RCN3: variants seen among roughly 807,000 people sequenced by gnomAD.
The protein encoded by RCN3 is reticulocalbin 3, also known as reticulocalbin-3.
A neutral mutation model predicts 35.9 loss-of-function variants in RCN3; 41 were observed. The ratio of observed to expected loss-of-function variants is 1.14; its 90% CI spans 0.89 to 1.48. RCN3 has a LOEUF of 1.48. RCN3 is among the 40% of genes most tolerant of loss of function. RCN3 has a pLI of 0.00. For missense variants in RCN3, 451 were observed against 471.3 expected (o/e 0.96, Z 0.40); for synonymous variants, 187 against 193.4 (o/e 0.97, Z 0.27).
chr19:49,534,074 C>A, intron 2 of RCN3, 119 bp from the exon 3 acceptor site: 4 of 1,054,530 alleles, frequency 3.8e-6, no homozygotes, highest in Non-Finnish European at 3.9e-6. Flanking sequence ...AGTTAGCCCG[C>A]GGACCGTGGA....
intron 5 of RCN3, among the ~76,000 whole-genome samples, chr19:49,540,808 T>C (rs1177642033): frequency 6.6e-6 from 1 of 151,554 alleles, no homozygotes; most frequent in Non-Finnish European, 1.5e-5. Flanking sequence ...TCTAGAGGGG[T>C]GAGGATGCTA....
chr19:49,538,558 C>G (rs11670916), intron 4 of RCN3, among the ~76,000 whole-genome samples: 1 of 151,884 alleles, frequency 6.6e-6, no homozygotes, highest in African/African-American at 2.4e-5. Flanking sequence ...TCGATCCTCC[C>G]GCCTCGGCCT....
intron 2 of RCN3, among the ~76,000 whole-genome samples, chr19:49,529,154 C>A (rs903247070): frequency 6.6e-6 from 1 of 151,968 alleles, no homozygotes; most frequent in African/African-American, 2.4e-5. Flanking sequence ...GCCCTCCAGT[C>A]AGGGCGACAA....
rs113692361 is a variant in RCN3 at position 49,528,465 on chromosome 19, A to G, written c.-6-2A>G. On this transcript the variant is annotated splice_acceptor_variant, in intron 1 of 6. Transcript: ENST00000270645. LOFTEE classifies it low-confidence loss of function (5UTR_SPLICE). ...TGACCCCTGGCCTTTGCCACTCCCCAGGGACCGATGATGTGGCGACCATCA... is the reference window on the plus strand; with the variant it reads ...TGACCCCTGGCCTTTGCCACTCCCCGGGGACCGATGATGTGGCGACCATCA... The G allele has an allele frequency of 6.7e-7, 1 of 1,496,338 alleles. No individual in the cohort carries two copies. The highest frequency in any genetic ancestry group is 1.4e-5 in the African/African-American group (1 of 70,082). The allele number at this position is 1,496,338 out of a possible 1,614,324, so 92.7% of individuals were successfully genotyped here.
At chr19:49,542,491 C>A in intron 5 of RCN3, 62 bp from the exon 6 acceptor site, 1 of 1,233,228 alleles carries the variant, frequency 8.1e-7, no homozygotes, top group Non-Finnish European at 1.1e-6. Context: ...CAGGATCAGC[C>A]CCCAGCTCCA....
In RCN3 at chr19:49,543,158, G is replaced by T; in HGVS notation, c.932G>T (p.Gly311Val). The change falls in exon 7 of 7, where the codon GGC (glycine) becomes GTC (valine). Residue 311 changes from glycine to valine, a missense_variant. By Grantham distance (109) the Gly-to-Val change is moderately radical. Transcript: ENST00000270645. ...EILGNWNMFVGSQATNYGEDL... is the reference protein window; with the variant it reads ...EILGNWNMFVVSQATNYGEDL... ...CTGGGTAATTGGAACATGTTTGTGG[G>T]CAGTCAGGCCACCAACTATGGCGAG... 1 of 1,614,064 alleles carries T rather than the reference G, an allele frequency of 6.2e-7. No individual in the cohort carries two copies. Among genetic ancestry groups the T allele is most frequent in the East Asian group, 2.2e-5 (1 of 44,862 alleles).
intron 5 of RCN3, 112 bp downstream of exon 5, chr19:49,539,291 G>T: frequency 1.3e-6 from 1 of 787,748 alleles, no homozygotes. Flanking sequence ...GTGGCCCTCA[G>T]ACATGGGGGC....
intron 3 of RCN3, among the ~76,000 whole-genome samples, chr19:49,535,029 C>T (rs997410457): frequency 4.6e-5 from 7 of 152,188 alleles, no homozygotes; most frequent in South Asian, 2.1e-4. Flanking sequence ...CCAGCCTCCC[C>T]GTCCAGTCTG....
chr19:49,533,427 C>T (rs2080118378), intron 2 of RCN3, among the ~76,000 whole-genome samples: 1 of 152,078 alleles, frequency 6.6e-6, no homozygotes, highest in South Asian at 2.1e-4. Flanking sequence ...GGCAAGGCGT[C>T]ACCAAGGGAG....
intron 2 of RCN3, among the ~76,000 whole-genome samples, chr19:49,532,771 A>C (rs981326640): frequency 3.9e-5 from 6 of 152,012 alleles, no homozygotes; most frequent in Non-Finnish European, 8.8e-5. Flanking sequence ...CACCTCCCAG[A>C]TTCAACCAAT....
intron 5 of RCN3, among the ~76,000 whole-genome samples, chr19:49,540,850 T>G (rs111648367): frequency 0.1 from 15,390 of 151,490 alleles, 1,009 homozygotes; most frequent in African/African-American, 0.18. Context: ...CCAGAGATGC[T>G]CCTTAGCATT....
intron 5 of RCN3, among the ~76,000 whole-genome samples, chr19:49,540,770 G>C (rs1332520415): frequency 6.6e-6 from 1 of 151,700 alleles, no homozygotes; most frequent in Admixed American, 6.6e-5. Context: ...GCACAGTGCG[G>C]CCTCTGGAGA....
chr19:49,535,798 C>T (rs959077526), intron 3 of RCN3, among the ~76,000 whole-genome samples: 4 of 146,752 alleles, frequency 2.7e-5, no homozygotes, highest in Admixed American at 6.9e-5. Flanking sequence ...TGCAGTGAGC[C>T]GAGATCACAT....
At chr19:49,531,071 C>T (rs1442593869) in intron 2 of RCN3, among the ~76,000 whole-genome samples, 1 of 152,094 alleles carries the variant, frequency 6.6e-6, no homozygotes, top group Non-Finnish European at 1.5e-5. Context: ...GATCCCAGCA[C>T]TTTGGGAGGC....
chr19:49,534,144 G>A (rs2080122506), intron 2 of RCN3, 49 bp from the exon 3 acceptor site: 4 of 1,438,600 alleles, frequency 2.8e-6, no homozygotes, highest in African/African-American at 3.0e-5. Context: ...CGAGGGGCGG[G>A]GCCTGGGGGC....
Position 49,543,149 on chromosome 19 carries a change from T to C in RCN3, c.923T>C (p.Met308Thr), listed in dbSNP as rs767493620. The change falls in exon 7 of 7, where the codon ATG (methionine) becomes ACG (threonine). Residue 308 changes from methionine to threonine, a missense_variant. Met to Thr is a moderately conservative substitution (Grantham distance 81). Transcript: ENST00000270645. The stretch of plus-strand genomic sequence containing the variant: ...GCGGAAATCCTGGGTAATTGGAACA[T>C]GTTTGTGGGCAGTCAGGCCACCAAC... ...SKAEILGNWN[M>T]FVGSQATNYG... 1 of 1,614,062 alleles carries C rather than the reference T, an allele frequency of 6.2e-7. No individual in the cohort carries two copies. Among genetic ancestry groups the C allele is most frequent in the Non-Finnish European group, 8.5e-7 (1 of 1,179,998 alleles).
At chr19:49,531,870 G>A (rs1173462849) in intron 2 of RCN3, among the ~76,000 whole-genome samples, 3 of 152,086 alleles carry the variant, frequency 2.0e-5, no homozygotes, top group Admixed American at 6.6e-5. Flanking sequence ...GCGTGATCTC[G>A]GCTCACTGCA....
In RCN3 at chr19:49,543,354, C is replaced by G; in HGVS notation, c.*141C>G. ...CCTCCTGCCCCTGGGCTCTCAGGGACCCCCTGGGTCGGCTTCTGTCCCTGT... is the reference window on the plus strand; with the variant it reads ...CCTCCTGCCCCTGGGCTCTCAGGGAGCCCCTGGGTCGGCTTCTGTCCCTGT... On this transcript the variant is annotated 3_prime_UTR_variant, in exon 7 of 7. Coordinates refer to ENST00000270645, the MANE Select transcript of RCN3 (RefSeq NM_020650.3). 1 of 704,172 alleles carries G rather than the reference C, an allele frequency of 1.4e-6. No homozygotes were observed. Among genetic ancestry groups the G allele is most frequent in the Non-Finnish European group, 2.5e-6 (1 of 404,436 alleles). The allele number at this position is 704,172 out of a possible 1,614,324, so 43.6% of individuals were successfully genotyped here.
Position 49,542,693 on chromosome 19 carries a change from G to T in RCN3, c.820G>T (p.Ala274Ser), listed in dbSNP as rs764497849. The change falls in exon 6 of 7, where the codon GCC becomes TCC. Residue 274 changes from alanine to serine, a missense_variant. Coordinates refer to ENST00000270645, the MANE Select transcript of RCN3 (RefSeq NM_020650.3). ...SEVGHWVLPP[A>S]QDQPLVEANH... is the part of the protein sequence containing the mutation. ...GGTGGGCCACTGGGTGCTGCCCCCT[G>T]CCCAGGACCAGCCCCTGGTGGAAGC... 6.3e-7 allele frequency: 1 copy of T among 1,597,208 alleles called. No individual in the cohort carries two copies. Among genetic ancestry groups the T allele is most frequent in the South Asian group, 1.1e-5 (1 of 87,788 alleles).
Sources: allele counts gnomAD v4.1 joint callset (sites outside exome capture counted in the v4.1 genomes callset), GRCh38; gene constraint gnomAD v4.1.1; transcripts MANE v1.5; gene names NCBI Gene and HGNC (gene_info 2026-07-23, HGNC 2026-07-21).